Variants in MBOAT2 observed in about 807,000 individuals in gnomAD.
The protein encoded by MBOAT2 is membrane bound glycerophospholipid O-acyltransferase 2, also known as membrane-bound glycerophospholipid O-acyltransferase 2.
MBOAT2 carries 28 observed loss-of-function variants against 63.4 expected under a neutral mutation model. The ratio of observed to expected loss-of-function variants is 0.44; its 90% CI spans 0.33 to 0.61. MBOAT2 has a LOEUF of 0.61. Ranked by LOEUF, MBOAT2 falls within the 20% of genes least tolerant of loss-of-function variation. MBOAT2 has a pLI of 0.03. For synonymous variants in MBOAT2, 211 were observed against 215.6 expected (o/e 0.98, Z 0.19); for missense variants, 470 against 605.8 (o/e 0.78, Z 2.35).
At chr2:8,981,277 C>A (rs1480183741) in intron 1 of MBOAT2, among the ~76,000 whole-genome samples, 1 of 152,094 alleles carries the variant, frequency 6.6e-6, no homozygotes, top group African/African-American at 2.4e-5. Context: ...GCTCTGAGTA[C>A]ATTAAAACCA....
chr2:8,946,814 CCT>C (rs1157608171), intron 2 of MBOAT2, among the ~76,000 whole-genome samples: 1 of 152,182 alleles, frequency 6.6e-6, no homozygotes, highest in Non-Finnish European at 1.5e-5. Context: ...TCTCTGTCTT[CCT>C]CTGTCTCTCT....
At chr2:8,960,596 C>T (rs746226931) in intron 1 of MBOAT2, among the ~76,000 whole-genome samples, 1 of 152,120 alleles carries the variant, frequency 6.6e-6, no homozygotes, top group Non-Finnish European at 1.5e-5. Context: ...GCTTCCCTTC[C>T]CCCATTCCAT....
intron 3 of MBOAT2, among the ~76,000 whole-genome samples, chr2:8,912,339 G>GAAAA (rs1158476798): frequency 9.9e-6 from 1 of 100,838 alleles, no homozygotes; most frequent in East Asian, 2.7e-4. Flanking sequence ...AAGAAAGAAA[G>GAAAA]AAAGAAAGAA....
chr2:9,002,218 T>C (rs1045916163), intron 1 of MBOAT2, among the ~76,000 whole-genome samples: 2 of 152,204 alleles, frequency 1.3e-5, no homozygotes, highest in Admixed American at 6.5e-5. Flanking sequence ...AGAACTCTTG[T>C]TCAAGACAGG....
chr2:8,984,530 T>C (rs1186418194), intron 1 of MBOAT2, among the ~76,000 whole-genome samples: 4 of 152,172 alleles, frequency 2.6e-5, no homozygotes, highest in South Asian at 2.1e-4. Flanking sequence ...GGGTGTTCCT[T>C]AAGTGGGAGC....
At chr2:8,871,225 T>C (rs1558556394) in intron 8 of MBOAT2, among the ~76,000 whole-genome samples, 1 of 152,144 alleles carries the variant, frequency 6.6e-6, no homozygotes. Flanking sequence ...CTCAAACTTC[T>C]GGCTTCAAGT....
intron 1 of MBOAT2, among the ~76,000 whole-genome samples, chr2:8,971,319 C>A (rs1332156426): frequency 6.6e-6 from 1 of 152,196 alleles, no homozygotes; most frequent in African/African-American, 2.4e-5. Context: ...TTCAACAGCC[C>A]TTCGTGCTAA....
intron 1 of MBOAT2, among the ~76,000 whole-genome samples, chr2:8,984,014 A>G (rs1671378775): frequency 6.6e-6 from 1 of 152,222 alleles, no homozygotes; most frequent in African/African-American, 2.4e-5. Flanking sequence ...AATCACATGG[A>G]AATTAAGAAC....
intron 3 of MBOAT2, among the ~76,000 whole-genome samples, chr2:8,937,604 T>A (rs1667758443): frequency 6.6e-6 from 1 of 151,728 alleles, no homozygotes; most frequent in Non-Finnish European, 1.5e-5. Context: ...TGTAATACGG[T>A]GAAATCTGAG....
At chr2:8,903,229 G>A (rs1665092726) in intron 4 of MBOAT2, among the ~76,000 whole-genome samples, 1 of 152,100 alleles carries the variant, frequency 6.6e-6, no homozygotes, top group African/African-American at 2.4e-5. Context: ...CGACCCAGAA[G>A]CCCAGCTGGC....
chr2:8,863,366 C>T (rs78543217), intron 10 of MBOAT2, among the ~76,000 whole-genome samples: 4,009 of 152,132 alleles, frequency 0.026, 183 homozygotes, highest in African/African-American at 0.091. Flanking sequence ...TGCTTATCAC[C>T]GTATCGTTAT....
intron 1 of MBOAT2, among the ~76,000 whole-genome samples, chr2:8,972,858 G>GGCAA (rs1670547095): frequency 1.3e-5 from 2 of 152,106 alleles, no homozygotes; most frequent in Non-Finnish European, 2.9e-5. Context: ...TCATTAAAAA[G>GGCAA]TCAGGAAACA....
chr2:8,990,511 T>A (rs940195505), intron 1 of MBOAT2, among the ~76,000 whole-genome samples: 1 of 152,126 alleles, frequency 6.6e-6, no homozygotes, highest in Non-Finnish European at 1.5e-5. Context: ...ACTGAAGCAT[T>A]TCCTACCCAA....
chr2:8,984,205 T>C (rs1327310541), intron 1 of MBOAT2, among the ~76,000 whole-genome samples: 1 of 152,048 alleles, frequency 6.6e-6, no homozygotes, highest in African/African-American at 2.4e-5. Context: ...TCTAGAACAG[T>C]CAACTTCACA....
rs529663306 is a variant in MBOAT2 at position 8,859,025 on chromosome 2, T to C, written c.1338-121A>G. 5.2e-5 allele frequency: 37 copies of C among 711,672 alleles called. No homozygotes were observed. In the South Asian group the frequency reaches 6.7e-4, roughly 13 times the overall value. 44.1% of individuals were successfully genotyped at this position (711,672 alleles called of 1,614,324 possible). The stretch of plus-strand genomic sequence containing the variant: ...TGTATTTGTTTACTACATTACTACA[T>C]TATTCTTTTATTTTTCCCCCTCAGG... On this transcript the variant is annotated intron_variant, in intron 12 of 12. Coordinates refer to ENST00000305997, the MANE Select transcript of MBOAT2 (RefSeq NM_138799.4).
intron 3 of MBOAT2, among the ~76,000 whole-genome samples, chr2:8,930,088 T>A (rs541109521): frequency 6.6e-6 from 1 of 152,176 alleles, no homozygotes; most frequent in African/African-American, 2.4e-5. Context: ...AAACACAATT[T>A]GTAAAATCTT....
chr2:8,959,382 C>A (rs936639848), intron 1 of MBOAT2, among the ~76,000 whole-genome samples: 1 of 152,046 alleles, frequency 6.6e-6, no homozygotes, highest in Non-Finnish European at 1.5e-5. Context: ...TGCTCTTTTC[C>A]CTCCAAATAA....
chr2:8,956,915 T>C (rs11678171), intron 2 of MBOAT2, among the ~76,000 whole-genome samples: 133,502 of 152,194 alleles, frequency 0.88, 58,657 homozygotes, highest in East Asian at 0.96. Flanking sequence ...GTAGGAGATA[T>C]TGTTTATATT....
At chr2:8,872,016 G>A (rs936698010) in intron 8 of MBOAT2, among the ~76,000 whole-genome samples, 2 of 152,090 alleles carry the variant, frequency 1.3e-5, no homozygotes, top group African/African-American at 2.4e-5. Context: ...CCTTCAAAAC[G>A]TGGCCAGAAT....
Sources: allele counts gnomAD v4.1 joint callset (sites outside exome capture counted in the v4.1 genomes callset), GRCh38; gene constraint gnomAD v4.1.1; transcripts MANE v1.5; gene names NCBI Gene and HGNC (gene_info 2026-07-23, HGNC 2026-07-21).